The following ANK3 variants were observed in gnomAD, a reference collection of about 807,000 sequenced individuals.
ANK3 encodes the protein ankyrin-3.
A neutral mutation model predicts 370.9 loss-of-function variants in ANK3; 57 were observed. The ratio of observed to expected loss-of-function variants is 0.15; its 90% CI spans 0.12 to 0.19. The LOEUF (loss-of-function observed/expected upper bound fraction) is 0.19, where lower values mean the gene tolerates loss of function less well. ANK3 is among the 10% of genes least tolerant of loss of function. The pLI, the probability that ANK3 is intolerant of heterozygous loss-of-function variation, is 1.00. For missense variants in ANK3, 4,439 were observed against 5,302.1 expected (o/e 0.84, Z 5.06); for synonymous variants, 1,929 against 1,946.3 (o/e 0.99, Z 0.23).
chr10:60,525,952 A>G (rs147885819), intron 2 of ANK3, among the ~76,000 whole-genome samples: 51 of 152,218 alleles, frequency 3.4e-4, no homozygotes, highest in African/African-American at 1.2e-3. Flanking sequence ...ACCAGGCCAA[A>G]TGGATTTAAG....
chr10:60,719,310 G>A (rs997761783), intron 1 of ANK3, among the ~76,000 whole-genome samples: 2 of 151,932 alleles, frequency 1.3e-5, no homozygotes, highest in Non-Finnish European at 2.9e-5. Context: ...AAGCATCCTT[G>A]TAAATATTAA....
intron 2 of ANK3, among the ~76,000 whole-genome samples, chr10:60,569,937 C>T (rs1242691006): frequency 6.6e-6 from 1 of 152,156 alleles, no homozygotes; most frequent in Non-Finnish European, 1.5e-5. Flanking sequence ...TATTTGACCA[C>T]ACCCTCCCCT....
chr10:60,709,196 G>C (rs1589059303), intron 1 of ANK3, among the ~76,000 whole-genome samples: 1 of 152,154 alleles, frequency 6.6e-6, no homozygotes, highest in East Asian at 1.9e-4. Flanking sequence ...GGAATTACTA[G>C]ACTGGAAGTT....
chr10:60,316,150 T>C (rs2047369490), intron 1 of ANK3, among the ~76,000 whole-genome samples: 1 of 152,152 alleles, frequency 6.6e-6, no homozygotes, highest in Non-Finnish European at 1.5e-5. Flanking sequence ...CTTGGTGAGC[T>C]ATGAGGACAT....
At chr10:60,690,507 TC>T (rs2079336600) in intron 1 of ANK3, among the ~76,000 whole-genome samples, 1 of 152,196 alleles carries the variant, frequency 6.6e-6, no homozygotes, top group Non-Finnish European at 1.5e-5. Flanking sequence ...AATGTTTTTT[TC>T]CCTAAGTTTT....
At chr10:60,532,417 AG>A (rs1388067975) in intron 2 of ANK3, among the ~76,000 whole-genome samples, 2 of 152,194 alleles carry the variant, frequency 1.3e-5, no homozygotes, top group African/African-American at 4.8e-5. Context: ...GGTCCAGGGC[AG>A]GCAAGAGCCG....
rs538787588 is a variant in ANK3, at chr10:60,166,106, G to T, written c.2614+485C>A. Among the ~76,000 whole-genome samples, 9 of 148,564 alleles carry T rather than the reference G, an allele frequency of 6.1e-5. No individual in the cohort carries two copies. The South Asian group carries it at 1.9e-3, about 32-fold the overall frequency. ...ATTATTGAAAATTTCTATTTCAAAA[G>T]TTTTTTTTTTCAGGTTGTTTTCATT... is the stretch of plus-strand genomic sequence containing the variant. On this transcript the variant is annotated intron_variant, in intron 23 of 43. Transcript: ENST00000280772.
intron 2 of ANK3, among the ~76,000 whole-genome samples, chr10:60,415,916 G>GGGGCC: frequency 1.2e-5 from 1 of 81,276 alleles, no homozygotes; most frequent in South Asian, 4.9e-4. Flanking sequence ...CTGAATTTGT[G>GGGGCC]CCCCCCACCC....
chr10:60,684,268 C>A (rs2079237114), intron 1 of ANK3, among the ~76,000 whole-genome samples: 1 of 152,198 alleles, frequency 6.6e-6, no homozygotes, highest in South Asian at 2.1e-4. Context: ...CGGACAACCA[C>A]CATTAGGACA....
chr10:60,648,350 A>G (rs1302716122), intron 1 of ANK3, among the ~76,000 whole-genome samples: 4 of 138,716 alleles, frequency 2.9e-5, no homozygotes, highest in Non-Finnish European at 6.2e-5. Context: ...TAATAGAGAC[A>G]GGATTTCACT....
intron 1 of ANK3, among the ~76,000 whole-genome samples, chr10:60,362,907 G>A (rs2058825972): frequency 6.6e-6 from 1 of 152,070 alleles, no homozygotes; most frequent in Non-Finnish European, 1.5e-5. Flanking sequence ...TTTACCCGGG[G>A]ACATTAGAGC....
chr10:60,076,236 T>C lies in ANK3; in HGVS notation c.4645A>G (p.Ile1549Val), dbSNP rs2083770920. The C allele has an allele frequency of 1.2e-6, 2 of 1,614,082 alleles. No homozygotes were observed. Among genetic ancestry groups the C allele is most frequent in the Admixed American group, 1.7e-5 (1 of 60,006 alleles). ...GTTGACGCGCCTAATGTGGATTTGA[T>C]TGGAGAAGGTGTCGAAACAGACCAT... The part of the protein sequence containing the change: ...SIWSVSTPSP[I>V]KSTLGASTTS... Residue 1549 changes from isoleucine to valine, a missense_variant, in exon 37 of 44, where the codon ATC (isoleucine) becomes GTC (valine). By Grantham distance (29) the Ile-to-Val change is conservative. This residue lies in a region of ANK3 where 679 missense variants were observed against 791.0 expected (regional missense o/e 0.86). Transcript: ENST00000280772.
chr10:60,044,356 A>T, intron 42 of ANK3: 4 of 982,060 alleles, frequency 4.1e-6, no homozygotes, highest in Non-Finnish European at 4.8e-6. Context: ...TCCCTAAAGG[A>T]TGTGGCATAA....
At chr10:60,716,489 C>A (rs998834672) in intron 1 of ANK3, among the ~76,000 whole-genome samples, 2 of 152,090 alleles carry the variant, frequency 1.3e-5, no homozygotes, top group African/African-American at 4.8e-5. Context: ...TCTCTATTTT[C>A]TCTTACAATC....
At chr10:60,485,885 C>A (rs186493630) in intron 2 of ANK3, among the ~76,000 whole-genome samples, 1 of 151,068 alleles carries the variant, frequency 6.6e-6, no homozygotes, top group African/African-American at 2.4e-5. Context: ...TTTTGGGATA[C>A]TAAAAATGGA....
chr10:60,141,561 G>GTTTTTTGT (rs2094558144), intron 23 of ANK3, among the ~76,000 whole-genome samples: 1 of 49,044 alleles, frequency 2.0e-5, no homozygotes, highest in African/African-American at 9.3e-5. Flanking sequence ...TTCAATTGCT[G>GTTTTTTGT]TTTTTTTTTT....
chr10:60,322,563 C>T (rs2048898261), intron 1 of ANK3, among the ~76,000 whole-genome samples: 1 of 151,832 alleles, frequency 6.6e-6, no homozygotes, highest in Non-Finnish European at 1.5e-5. Flanking sequence ...CTGTAGCATC[C>T]TTTTATCCCT....
chr10:60,601,694 T>C (rs907465682), intron 2 of ANK3, among the ~76,000 whole-genome samples: 1 of 152,120 alleles, frequency 6.6e-6, no homozygotes, highest in Non-Finnish European at 1.5e-5. Context: ...GAAATCTGAA[T>C]AGAGTGTGGA....
At chr10:60,523,956 T>A (rs953287255) in intron 2 of ANK3, among the ~76,000 whole-genome samples, 2 of 152,104 alleles carry the variant, frequency 1.3e-5, no homozygotes, top group Non-Finnish European at 2.9e-5. Flanking sequence ...TGTATAAACA[T>A]ACACTGGTCT....
Sources: allele counts gnomAD v4.1 joint callset (sites outside exome capture counted in the v4.1 genomes callset), GRCh38; gene constraint gnomAD v4.1.1; regional missense constraint gnomAD v4.1.1; transcripts MANE v1.5; gene names NCBI Gene and HGNC (gene_info 2026-07-23, HGNC 2026-07-21).